The following HELZ variants were observed in gnomAD, a reference collection of about 807,000 sequenced individuals.
The protein encoded by HELZ is ATP-dependent RNA helicase with zinc finger domain.
A neutral mutation model predicts 218.2 loss-of-function variants in HELZ; 23 were observed. That is an observed-to-expected ratio of 0.11 (90% CI 0.08 to 0.15). The LOEUF (loss-of-function observed/expected upper bound fraction) is 0.15. HELZ is among the 10% of genes least tolerant of loss of function. HELZ has a pLI of 1.00. For synonymous variants in HELZ, 814 were observed against 829.4 expected, an observed-to-expected ratio of 0.98 and a Z score of 0.32; for missense variants, 1,813 against 2,353.7, an observed-to-expected ratio of 0.77 and a Z score of 4.75.
intron 15 of HELZ, among the ~76,000 whole-genome samples, chr17:67,164,417 G>C (rs1315386331): frequency 6.6e-6 from 1 of 152,144 alleles, no homozygotes; most frequent in Non-Finnish European, 1.5e-5. Flanking sequence ...GATTATATGA[G>C]AGACAGAAAA....
At chr17:67,218,497 T>G (rs2040664001) in intron 4 of HELZ, 98 bp downstream of exon 4, 1 of 922,628 alleles carries the variant, frequency 1.1e-6, no homozygotes, top group East Asian at 2.4e-5. Context: ...TTCACTCACA[T>G]CTCTTTGGCC....
intron 26 of HELZ, among the ~76,000 whole-genome samples, chr17:67,121,240 T>C (rs1467539852): frequency 1.3e-5 from 2 of 152,192 alleles, no homozygotes. Flanking sequence ...ACAAAAGGAA[T>C]AAATACAATG....
intron 3 of HELZ, among the ~76,000 whole-genome samples, chr17:67,232,137 C>T (rs1598471762): frequency 6.8e-6 from 1 of 147,634 alleles, no homozygotes; most frequent in South Asian, 2.2e-4. Context: ...TTTTATTCAT[C>T]TGTATTTTAT....
intron 31 of HELZ, among the ~76,000 whole-genome samples, chr17:67,102,559 T>C (rs749655966): frequency 1.3e-5 from 2 of 152,188 alleles, no homozygotes; most frequent in Non-Finnish European, 2.9e-5. Context: ...AAAGGATCCA[T>C]AGTGGGAGGG....
At chr17:67,214,123 A>G (rs1399603349) in intron 5 of HELZ, among the ~76,000 whole-genome samples, 1 of 152,132 alleles carries the variant, frequency 6.6e-6, no homozygotes, top group Non-Finnish European at 1.5e-5. Flanking sequence ...AAATTCCCAT[A>G]GATAGCAGGG....
intron 3 of HELZ, among the ~76,000 whole-genome samples, chr17:67,234,949 C>G (rs947621948): frequency 1.3e-5 from 2 of 152,172 alleles, no homozygotes; most frequent in African/African-American, 4.8e-5. Flanking sequence ...AAGGCAGTAT[C>G]GCTCCCTCCA....
chr17:67,123,671 G>A (rs115628276), intron 25 of HELZ, among the ~76,000 whole-genome samples: 244 of 152,188 alleles, frequency 1.6e-3, no homozygotes, highest in African/African-American at 5.7e-3. Context: ...AATTTATGTT[G>A]CATAAAAGGC....
chr17:67,132,460 C>T (rs1216406310), intron 23 of HELZ, among the ~76,000 whole-genome samples: 1 of 152,190 alleles, frequency 6.6e-6, no homozygotes, highest in African/African-American at 2.4e-5. Flanking sequence ...GCAGCATAAC[C>T]AGAGAGAAGA....
At position 67,149,908 on chromosome 17, in the gene HELZ, T is replaced by A; in HGVS notation, c.2434A>T (p.Thr812Ser). 6.2e-7 allele frequency: 1 copy of A among 1,611,254 alleles called. No homozygotes were observed. Among genetic ancestry groups the A allele is most frequent in the Non-Finnish European group, 8.5e-7 (1 of 1,178,490 alleles). Residue 812 changes from threonine (T) to serine (S), a missense_variant, in exon 19 of 33, where the codon ACT becomes TCT. By Grantham distance (58) the Thr-to-Ser change is moderately conservative. Coordinates refer to ENST00000358691, the MANE Select transcript of HELZ (RefSeq NM_014877.4). ...CETIMPLALA[T>S]QNTRIVLAGD... ...GCCAAGACAATCCGAGTGTTTTGAG[T>A]TGCTAATGCTAGAGGCATAATGGTT...
In HELZ at chr17:67,124,135, G is replaced by C. The variant is rs191214857; in HGVS notation, c.3388-121C>G. On this transcript the variant is annotated intron_variant, in intron 24 of 32. Transcript: ENST00000358691. ...TCAATAATTAAAATCTAAAAACTGT[G>C]AGTCTATAATTAATAACCATTAGAC... 8.5e-4 allele frequency: 558 copies of C among 654,578 alleles called. 3 individuals carry two copies. The African/African-American group carries it at 9.5e-3, about 11-fold the overall frequency. 40.5% of individuals were successfully genotyped at this position (654,578 alleles called of 1,614,324 possible). A position where few individuals can be genotyped will look rare whatever the true frequency, so the allele number is the denominator to read the frequency against.
At chr17:67,099,883 G>A (rs2036869868) in intron 31 of HELZ, among the ~76,000 whole-genome samples, 1 of 142,618 alleles carries the variant, frequency 7.0e-6, no homozygotes, top group South Asian at 2.6e-4. Flanking sequence ...AATTAAAATA[G>A]AACATCTCAT....
chr17:67,155,415 G>A (rs761664064), intron 17 of HELZ, among the ~76,000 whole-genome samples: 1 of 151,866 alleles, frequency 6.6e-6, no homozygotes, highest in South Asian at 2.1e-4. Flanking sequence ...GGTTACTTAG[G>A]GTGTAAAGAC....
rs1186489033 is a variant in HELZ at position 67,073,839 on chromosome 17, G to C, written c.*4413C>G. ...GATTAAAAAGGTATGAAAGTAGAAA[G>C]TGTGAATTTAGCAGCTTTAAAGTCT... On this transcript the variant is annotated 3_prime_UTR_variant, in exon 33 of 33. Transcript: ENST00000358691. The C allele has an allele frequency of 1.3e-5, 2 of 152,152 alleles. No individual in the cohort carries two copies. Among genetic ancestry groups the C allele is most frequent in the Non-Finnish European group, 1.5e-5 (1 of 68,030 alleles). The allele number at this position is 152,152 out of a possible 1,614,324, so 9.4% of individuals were successfully genotyped here.
intron 15 of HELZ, among the ~76,000 whole-genome samples, chr17:67,163,862 C>A (rs571022619): frequency 3.9e-5 from 6 of 152,252 alleles, no homozygotes; most frequent in African/African-American, 1.4e-4. Flanking sequence ...TGTTCCTAGA[C>A]CCAGATACCT....
At chr17:67,173,744 G>C (rs2039375314) in intron 13 of HELZ, among the ~76,000 whole-genome samples, 1 of 151,766 alleles carries the variant, frequency 6.6e-6, no homozygotes, top group Non-Finnish European at 1.5e-5. Context: ...ACCAACAGAA[G>C]CAGCACCCAT....
chr17:67,123,102 G>T lies in HELZ; in HGVS notation c.3498C>A (p.Pro1166=). Reference sequence around the variant, plus strand: ...CCAAATTTGGGTGAGGTCCAAGAGGGGGTGGAGGAGTATATGCTCTAATAG... The same window carrying T: ...CCAAATTTGGGTGAGGTCCAAGAGGTGGTGGAGGAGTATATGCTCTAATAG... ...GNPIRAYTPP[P]PLGPHPNLGK... Residue 1166 remains proline (P), a synonymous_variant, in exon 26 of 33, where the codon CCC becomes CCA. Coordinates refer to ENST00000358691, the MANE Select transcript of HELZ (RefSeq NM_014877.4). 1 of 1,613,436 alleles carries T rather than the reference G, an allele frequency of 6.2e-7. No individual in the cohort carries two copies. Among genetic ancestry groups the T allele is most frequent in the Non-Finnish European group, 8.5e-7 (1 of 1,179,424 alleles).
chr17:67,087,088 A>G lies in HELZ; in HGVS notation c.5242-7T>C. On this transcript the variant is annotated splice_region_variant and splice_polypyrimidine_tract_variant and intron_variant, in intron 31 of 32. Transcript: ENST00000358691. ...CAGGTCCTCTGGGCTCATACTACAC[A>G]AAGAAAAAGAACATTTCATAAATCA... 6.2e-7 allele frequency: 1 copy of G among 1,613,392 alleles called. No individual in the cohort carries two copies. The highest frequency in any genetic ancestry group is 8.5e-7 in the Non-Finnish European group (1 of 1,179,598).
Position 67,178,933 on chromosome 17 carries a change from G to T in HELZ, c.1163-7C>A. On this transcript the variant is annotated splice_region_variant and splice_polypyrimidine_tract_variant and intron_variant, in intron 12 of 32. Transcript: ENST00000358691. ...TGCATCAGGTATTCGAGATCTAAAT[G>T]GAAACAAAAAACACATTTATAAAGA... 6.4e-7 allele frequency: 1 copy of T among 1,552,320 alleles called. No individual in the cohort carries two copies. The highest frequency in any genetic ancestry group is 8.7e-7 in the Non-Finnish European group (1 of 1,147,206).
intron 5 of HELZ, among the ~76,000 whole-genome samples, chr17:67,214,433 T>C (rs2143256659): frequency 6.6e-6 from 1 of 151,392 alleles, no homozygotes; most frequent in South Asian, 2.1e-4. Context: ...GCCTGGCTAA[T>C]TTCTGTATTT....
Sources: gnomAD v4.1 joint callset for allele counts (sites outside exome capture counted in the v4.1 genomes callset) on GRCh38, gnomAD v4.1.1 for gene constraint, MANE v1.5 for transcripts, NCBI Gene and HGNC (gene_info 2026-07-23, HGNC 2026-07-21) for gene names.